DLGAP4: variants seen among roughly 807,000 people sequenced by gnomAD.
DLGAP4 encodes DLG associated protein 4.
DLGAP4 carries 18 observed loss-of-function variants against 86.9 expected under a neutral mutation model. The observed-to-expected ratio is 0.21, with a 90% CI of 0.14 to 0.31. The LOEUF is 0.31. Among genes scored for constraint, DLGAP4 ranks in the 10% least tolerant of loss-of-function variants. The probability of loss-of-function intolerance (pLI) is 1.00; values close to 1 mark genes in which losing one functional copy is unlikely to be tolerated. For missense variants in DLGAP4, 1,085 were observed against 1,362.6 expected (o/e 0.80, Z 3.21); for synonymous variants, 548 against 574.3 (o/e 0.95, Z 0.65).
chr20:36,344,492 T>TG (rs782652104), intron 1 of DLGAP4, among the ~76,000 whole-genome samples: 1 of 152,180 alleles, frequency 6.6e-6, no homozygotes, highest in Non-Finnish European at 1.5e-5. Context: ...GTGAGGTCAG[T>TG]GCCCTTATTC....
intron 5 of DLGAP4, 95 bp from the exon 6 acceptor site, chr20:36,442,632 C>A (rs2033480181): frequency 1.4e-6 from 2 of 1,413,148 alleles, no homozygotes; most frequent in Non-Finnish European, 2.0e-6. Flanking sequence ...GAGGTTAGAC[C>A]AGCCAGCTTC....
chr20:36,409,659 G>C (rs973785921), intron 2 of DLGAP4, among the ~76,000 whole-genome samples: 1 of 149,698 alleles, frequency 6.7e-6, no homozygotes, highest in Non-Finnish European at 1.5e-5. Flanking sequence ...AGGTTGCAGT[G>C]AGCCAAGATC....
At chr20:36,427,962 A>G (rs554157805) in intron 2 of DLGAP4, among the ~76,000 whole-genome samples, 7 of 152,296 alleles carry the variant, frequency 4.6e-5, no homozygotes, top group Admixed American at 1.3e-4. Context: ...AAAATAAAAA[A>G]GGGAAAAAAA....
intron 1 of DLGAP4, among the ~76,000 whole-genome samples, chr20:36,321,365 A>G (rs1349344319): frequency 6.6e-6 from 1 of 152,262 alleles, no homozygotes; most frequent in Non-Finnish European, 1.5e-5. Flanking sequence ...TGCCAGGCTG[A>G]GGGCCTCGGC....
At chr20:36,401,427 C>T (rs1906741950) in intron 2 of DLGAP4, among the ~76,000 whole-genome samples, 1 of 152,328 alleles carries the variant, frequency 6.6e-6, no homozygotes, top group African/African-American at 2.4e-5. Flanking sequence ...CAGTCTTTGC[C>T]ACGTGCTGCT....
chr20:36,499,144 T>C, intron 8 of DLGAP4: 1 of 1,230,106 alleles, frequency 8.1e-7, no homozygotes, highest in Non-Finnish European at 1.1e-6. Context: ...GCCGCCAGCT[T>C]CAACTACACC....
intron 2 of DLGAP4, among the ~76,000 whole-genome samples, chr20:36,385,386 A>G (rs893616805): frequency 1.3e-5 from 2 of 152,170 alleles, no homozygotes; most frequent in African/African-American, 4.8e-5. Context: ...GAGTGGGTTG[A>G]AAAGGGCTGG....
intron 1 of DLGAP4, among the ~76,000 whole-genome samples, chr20:36,331,807 G>A (rs2065271154): frequency 6.6e-6 from 1 of 152,126 alleles, no homozygotes; most frequent in Admixed American, 6.5e-5. Flanking sequence ...GTGTCTGCTG[G>A]GGTGGTCAGG....
intron 1 of DLGAP4, among the ~76,000 whole-genome samples, chr20:36,337,172 C>T (rs2065331228): frequency 6.6e-6 from 1 of 151,848 alleles, no homozygotes; most frequent in East Asian, 1.9e-4. Context: ...GGGACAAGGC[C>T]CAGATACAGC....
chr20:36,385,011 A>G (rs2031544346), intron 2 of DLGAP4, among the ~76,000 whole-genome samples: 1 of 152,112 alleles, frequency 6.6e-6, no homozygotes. Context: ...CAGAGACTTG[A>G]GTATCTAATC....
Position 36,446,909 on chromosome 20 carries a change from C to T in DLGAP4, c.1620C>T (p.Gly540=), listed in dbSNP as rs1006214851. The change falls in exon 7 of 13, where the codon GGC becomes GGT. Residue 540 remains glycine (G), a synonymous_variant. Coordinates refer to ENST00000339266, the MANE Select transcript of DLGAP4 (RefSeq NM_001365621.2). ...LQSLSPPPST[G]SLSNSRTLPS... is the part of the protein sequence containing the mutation. The stretch of plus-strand genomic sequence containing the variant: ...CCCTCTCCCCACCGCCCAGTACCGG[C>T]AGCCTCAGCAATAGTCGCACGCTTC... The T allele has an allele frequency of 3.7e-6, 6 of 1,611,584 alleles. No individual in the cohort carries two copies. The African/African-American group carries it at 8.0e-5, about 22-fold the overall frequency.
Position 36,322,230 on chromosome 20 carries a change from C to T in DLGAP4, c.-304+15718C>T, listed in dbSNP as rs1342194688. Among the ~76,000 whole-genome samples, 6 of 151,836 alleles carry T rather than the reference C, an allele frequency of 4.0e-5. No individual in the cohort carries two copies. The East Asian group carries it at 9.6e-4, about 24-fold the overall frequency. On this transcript the variant is annotated intron_variant, in intron 1 of 12. Transcript: ENST00000339266. ...GAGGGAACTGCAAATGTGCAAACCC[C>T]GGGGTGTGAGGAAGGTGGGGTTTTC...
rs1006453980 is a variant in DLGAP4, at chr20:36,313,230, T to G, written c.-304+6718T>G. ...CACCCGAGGACTCTGGAGTGCAGCT[T>G]GTAAACGGGAATCTGGGTTTGCTAG... On this transcript the variant is annotated intron_variant, in intron 1 of 12. Coordinates refer to ENST00000339266, the MANE Select transcript of DLGAP4 (RefSeq NM_001365621.2). Among the ~76,000 whole-genome samples the G allele has an allele frequency of 1.8e-4, 28 of 152,272 alleles. No individual in the cohort carries two copies. The East Asian group carries it at 5.2e-3, about 28-fold the overall frequency.
intron 6 of DLGAP4, among the ~76,000 whole-genome samples, chr20:36,443,817 A>G (rs1253764702): frequency 6.6e-6 from 1 of 152,110 alleles, no homozygotes; most frequent in Non-Finnish European, 1.5e-5. Flanking sequence ...ATTCGTGGGT[A>G]GAGGTTACTA....
intron 1 of DLGAP4, among the ~76,000 whole-genome samples, chr20:36,322,337 C>T (rs1600397255): frequency 6.6e-6 from 1 of 152,098 alleles, no homozygotes; most frequent in Non-Finnish European, 1.5e-5. Flanking sequence ...ATGGCGGGGG[C>T]CAGACGGTAT....
Position 36,525,256 on chromosome 20 carries a change from A to G in DLGAP4, c.2605-595A>G, listed in dbSNP as rs2037668968. On this transcript the variant is annotated intron_variant, in intron 11 of 12. Coordinates refer to ENST00000339266, the MANE Select transcript of DLGAP4 (RefSeq NM_001365621.2). ...AAAAAAAAAAAAAAAAAAAAAAAAC[A>G]AAGAAATCCCACTGCTGGGATTGGT... 5.6e-5 allele frequency among the ~76,000 whole-genome samples: 3 copies of G among 53,846 alleles called. No individual in the cohort carries two copies. In the South Asian group the frequency reaches 1.9e-3, roughly 33 times the overall value. 35.3% of individuals were successfully genotyped at this position (53,846 alleles called of 152,430 possible). A position where few individuals can be genotyped will look rare whatever the true frequency, so the allele number is the denominator to read the frequency against.
intron 10 of DLGAP4, among the ~76,000 whole-genome samples, chr20:36,522,302 G>A (rs1157019220): frequency 1.3e-5 from 2 of 152,092 alleles, no homozygotes; most frequent in East Asian, 3.9e-4. Context: ...GGGACTATGG[G>A]CATCCACTAC....
chr20:36,517,065 C>T (rs2147839094), intron 10 of DLGAP4, among the ~76,000 whole-genome samples: 1 of 151,294 alleles, frequency 6.6e-6, no homozygotes, highest in African/African-American at 2.4e-5. Flanking sequence ...TGCGCCTGGC[C>T]GAACCTGTGT....
At chr20:36,318,672 C>T (rs1454097759) in intron 1 of DLGAP4, among the ~76,000 whole-genome samples, 7 of 152,066 alleles carry the variant, frequency 4.6e-5, no homozygotes, top group African/African-American at 1.7e-4. Context: ...CTGCACCCAG[C>T]CCTGGCCCAG....
Sources: gnomAD v4.1 joint callset for allele counts (sites outside exome capture counted in the v4.1 genomes callset) on GRCh38, gnomAD v4.1.1 for gene constraint, MANE v1.5 for transcripts, NCBI Gene and HGNC (gene_info 2026-07-23, HGNC 2026-07-21) for gene names.